The following DNAH3 variants were observed in gnomAD, a reference collection of about 807,000 sequenced individuals.
DNAH3 encodes axonemal beta dynein heavy chain 3.
In DNAH3, 332 loss-of-function variants were observed where a neutral mutation model predicts 432.5. The ratio of observed to expected loss-of-function variants is 0.77; its 90% CI spans 0.70 to 0.84. The LOEUF (loss-of-function observed/expected upper bound fraction) is 0.84. Among genes scored for constraint, DNAH3 ranks in the 40% least tolerant of loss-of-function variants. The pLI is 0.00. For synonymous variants in DNAH3, 1,956 were observed against 1,900.2 expected (o/e 1.03, Z -0.76); for missense variants, 4,861 against 5,114.0 (o/e 0.95, Z 1.51).
chr16:20,951,617 T>C (rs1386602154), intron 56 of DNAH3, among the ~76,000 whole-genome samples: 1 of 150,890 alleles, frequency 6.6e-6, no homozygotes, highest in African/African-American at 2.4e-5. Flanking sequence ...CTAATTTTTG[T>C]ATTTTTTGTA....
intron 31 of DNAH3, among the ~76,000 whole-genome samples, chr16:21,046,089 T>C (rs1597231140): frequency 1.3e-5 from 2 of 149,814 alleles, no homozygotes; most frequent in African/African-American, 4.9e-5. Flanking sequence ...AGAGCTTTAC[T>C]TCCCAGTATG....
At chr16:21,076,601 C>T (rs1234100855) in intron 20 of DNAH3, among the ~76,000 whole-genome samples, 3 of 152,176 alleles carry the variant, frequency 2.0e-5, no homozygotes, top group African/African-American at 4.8e-5. Flanking sequence ...GATCCCAGAA[C>T]AGGACAGTTT....
chr16:20,983,041 T>A (rs75660145), intron 48 of DNAH3, 155 bp from the exon 49 acceptor site: 2 of 695,326 alleles, frequency 2.9e-6, no homozygotes, highest in African/African-American at 3.5e-5. Flanking sequence ...AATGAGTGCC[T>A]GGGAAATGCG....
intron 14 of DNAH3, among the ~76,000 whole-genome samples, chr16:21,107,715 T>C (rs1376966352): frequency 6.6e-6 from 1 of 152,202 alleles, no homozygotes; most frequent in African/African-American, 2.4e-5. Flanking sequence ...CTCTAATTTA[T>C]GCAAAAGCAA....
intron 53 of DNAH3, among the ~76,000 whole-genome samples, chr16:20,959,653 A>C (rs1049518862): frequency 7.1e-6 from 1 of 141,788 alleles, no homozygotes; most frequent in South Asian, 2.3e-4. Context: ...ACACACACAC[A>C]CACCCCAACA....
chr16:21,049,015 A>C (rs934125338), intron 31 of DNAH3, among the ~76,000 whole-genome samples: 1 of 148,886 alleles, frequency 6.7e-6, no homozygotes, highest in African/African-American at 2.5e-5. Flanking sequence ...TTTTTTTAAG[A>C]GACAAAGTCT....
chr16:21,136,549 T>G, intron 5 of DNAH3, 36 bp from the exon 7 acceptor site: 1 of 1,601,008 alleles, frequency 6.2e-7, no homozygotes, highest in Non-Finnish European at 8.6e-7. Context: ...AAAATGGTCA[T>G]GATTGGATCA....
chr16:21,139,776 C>CTTTTTTT lies in DNAH3; in HGVS notation c.696+753_696+759dup, dbSNP rs71275930. On this transcript the variant is annotated intron_variant, in intron 5 of 61. Transcript: ENST00000261383. ...AGTCACCATGCCCAGCCACCTCATT[C>CTTTTTTT]TTTTTTTTTTTTTTTTTTTTTGAGA... Among the ~76,000 whole-genome samples the CTTTTTTT allele has an allele frequency of 2.4e-4, 21 of 86,210 alleles. 1 individual carries two copies. Among genetic ancestry groups the CTTTTTTT allele is most frequent in the African/African-American group, 5.8e-4 (12 of 20,592 alleles). 56.6% of individuals were successfully genotyped at this position (86,210 alleles called of 152,430 possible).
chr16:21,033,654 T>C (rs1410719644), intron 36 of DNAH3, among the ~76,000 whole-genome samples: 9 of 152,088 alleles, frequency 5.9e-5, no homozygotes, highest in Admixed American at 5.9e-4. Flanking sequence ...CATGCAGTGA[T>C]TTGCTTTTAG....
chr16:21,086,813 T>C, intron 19 of DNAH3, 36 bp downstream of exon 19: 1 of 1,588,036 alleles, frequency 6.3e-7, no homozygotes, highest in African/African-American at 1.3e-5. Context: ...AGGCCTGGGC[T>C]GCGCTGCTTG....
intron 55 of DNAH3, among the ~76,000 whole-genome samples, chr16:20,953,558 T>C (rs1053376522): frequency 7.9e-5 from 12 of 151,564 alleles, no homozygotes; most frequent in Non-Finnish European, 1.5e-4. Context: ...TGGCAGTTAG[T>C]TGCAAGCCAA....
rs543613928 is a variant in DNAH3, at chr16:20,936,506, AG to A, written c.11859+142del. On this transcript the variant is annotated intron_variant, in intron 60 of 61. Coordinates refer to ENST00000261383, the Ensembl canonical transcript of DNAH3. ...AAGTCTCCCTCCTGCTTCTAACTCC[AG>A]GAAGACTGTTTCCAGAGGCTCAATC... 3.6e-5 allele frequency: 26 copies of A among 729,724 alleles called. No homozygotes were observed. In the South Asian group the frequency reaches 4.4e-4, roughly 12 times the overall value. 45.2% of individuals were successfully genotyped at this position (729,724 alleles called of 1,614,324 possible). A position where few individuals can be genotyped will look rare whatever the true frequency, so the allele number is the denominator to read the frequency against.
exon 45 of DNAH3, chr16:20,988,002 T>C: frequency 3.7e-6 from 6 of 1,614,124 alleles, no homozygotes; most frequent in Non-Finnish European, 5.1e-6. Flanking sequence ...ACTGAAAATC[T>C]TGGTTAAAAT....
chr16:20,937,616 T>C (rs2083643288), intron 59 of DNAH3, among the ~76,000 whole-genome samples: 2 of 147,668 alleles, frequency 1.4e-5, no homozygotes, highest in South Asian at 4.4e-4. Flanking sequence ...GCAGCCTCGA[T>C]CTCCCAGGCT....
chr16:21,054,871 A>AT (rs1332831547), intron 27 of DNAH3, among the ~76,000 whole-genome samples: 1 of 151,760 alleles, frequency 6.6e-6, no homozygotes, highest in African/African-American at 2.4e-5. Flanking sequence ...GCCTGAGGAC[A>AT]TTTTTTTTGG....
chr16:21,068,383 G>A (rs2090656052), intron 23 of DNAH3, among the ~76,000 whole-genome samples: 1 of 150,890 alleles, frequency 6.6e-6, no homozygotes, highest in South Asian at 2.1e-4. Context: ...GGCGCAATCT[G>A]GGCTCACTGC....
chr16:20,942,732 G>A (rs1371916259), intron 58 of DNAH3, among the ~76,000 whole-genome samples: 1 of 152,084 alleles, frequency 6.6e-6, no homozygotes, highest in Admixed American at 6.6e-5. Flanking sequence ...TCTCTCTCAG[G>A]ATTTGTTTCT....
At chr16:21,085,898 A>G (rs330154) in intron 19 of DNAH3, among the ~76,000 whole-genome samples, 107,701 of 151,876 alleles carry the variant, frequency 0.71, 38,591 homozygotes, top group East Asian at 1. Context: ...CTCCCAAGTT[A>G]CTGGACCACA....
At chr16:20,990,222 T>A (rs2086487328) in intron 44 of DNAH3, among the ~76,000 whole-genome samples, 1 of 152,230 alleles carries the variant, frequency 6.6e-6, no homozygotes, top group South Asian at 2.1e-4. Flanking sequence ...ACTTACCTTA[T>A]ACGCGCCAAA....
Sources: gnomAD v4.1 joint callset for allele counts (sites outside exome capture counted in the v4.1 genomes callset) on GRCh38, gnomAD v4.1.1 for gene constraint, MANE v1.5 for transcripts, NCBI Gene and HGNC (gene_info 2026-07-23, HGNC 2026-07-21) for gene names.